TRPM5: variants seen among roughly 807,000 people sequenced by gnomAD.
The protein encoded by TRPM5 is MLSN1 and TRP-related.
In TRPM5, 121 loss-of-function variants were observed where a neutral mutation model predicts 124.9. The observed-to-expected ratio is 0.97, with a 90% confidence interval of 0.84 to 1.13. The LOEUF is 1.13. TRPM5 is among the 50% of genes most tolerant of loss of function. The probability of loss-of-function intolerance (pLI) is 0.00; values close to 1 mark genes in which losing one functional copy is unlikely to be tolerated. For missense variants in TRPM5, 1,643 were observed against 1,589.1 expected, an observed-to-expected ratio of 1.03 and a Z score of -0.58; for synonymous variants, 781 against 700.5, an observed-to-expected ratio of 1.11 and a Z score of -1.81.
chr11:2,436,072 C>T, the TRPM5 span, among the ~76,000 whole-genome samples: 1 of 152,260 alleles, frequency 6.6e-6, no homozygotes, highest in African/African-American at 2.4e-5. Flanking sequence ...CTCCCCTGAC[C>T]TCCCCCACAC....
At chr11:2,411,228 T>C in intron 18 of TRPM5, 124 bp downstream of exon 23, 1 of 1,205,820 alleles carries the variant, frequency 8.3e-7, no homozygotes, top group Non-Finnish European at 1.1e-6. Context: ...ACTTCTCCCA[T>C]CTCTGCTCCA....
rs761601197 is a variant in TRPM5, at chr11:2,404,918, A to G, written c.*19T>C. 7.5e-6 allele frequency: 12 copies of G among 1,605,164 alleles called. No homozygotes were observed. In the East Asian group the frequency reaches 2.0e-4, roughly 27 times the overall value. ...GCCAGCTGAGGAGAGGTGGCCCCAC[A>G]CGTGGCAGGCCAAGCAGCTCAGGTG... On this transcript the variant is annotated 3_prime_UTR_variant, in exon 24 of 24. Coordinates refer to ENST00000155858, the Ensembl canonical transcript of TRPM5.
intron 1 of TRPM5, 23 bp downstream of exon 6, chr11:2,422,897 T>C: frequency 1.2e-5 from 19 of 1,598,988 alleles, no homozygotes; most frequent in Non-Finnish European, 1.6e-5. Context: ...GGACATCACC[T>C]GAGGCCTGGG....
upstream of TRPM5, among the ~76,000 whole-genome samples, chr11:2,426,691 A>C (rs948503369): frequency 1.3e-5 from 2 of 152,072 alleles, no homozygotes. Flanking sequence ...GCTCATCCCC[A>C]CCAGGCTGTG....
chr11:2,418,758 A>G (rs554015626), intron 4 of TRPM5, among the ~76,000 whole-genome samples, 167 bp from the exon 10 acceptor site: 1 of 152,318 alleles, frequency 6.6e-6, no homozygotes, highest in East Asian at 1.9e-4. Flanking sequence ...AGCCCCTGCC[A>G]TATGAGGGCC....
chr11:2,410,079 C>T (rs752101463), intron 18 of TRPM5, among the ~76,000 whole-genome samples: 17 of 152,170 alleles, frequency 1.1e-4, no homozygotes, highest in African/African-American at 2.7e-4. Flanking sequence ...TGCTGGAGGC[C>T]GTATGGTGAG....
At chr11:2,434,057 C>T in the TRPM5 span, among the ~76,000 whole-genome samples, 11 of 141,230 alleles carry the variant, frequency 7.8e-5, no homozygotes, top group Non-Finnish European at 1.4e-4. Context: ...GCAGTGTGCG[C>T]GTGCATGTTT....
intron 4 of TRPM5, among the ~76,000 whole-genome samples, chr11:2,419,994 T>G (rs1335608608): frequency 1.3e-5 from 2 of 152,186 alleles, no homozygotes; most frequent in African/African-American, 2.4e-5. Context: ...TCAGAGCCAC[T>G]CTGTCCAGCT....
exon 9 of TRPM5, chr11:2,415,300 G>T: frequency 6.3e-7 from 1 of 1,580,024 alleles, no homozygotes; most frequent in Non-Finnish European, 8.5e-7. Flanking sequence ...TCCTGCTTCC[G>T]CTGCAGCAGG....
At chr11:2,412,952 G>C in exon 15 of TRPM5, 2 of 1,605,844 alleles carry the variant, frequency 1.2e-6, no homozygotes, top group Non-Finnish European at 8.5e-7. Flanking sequence ...GTGTGAGCAG[G>C]AAGACAGCAC....
At chr11:2,417,811 G>A in exon 7 of TRPM5, 1 of 1,581,664 alleles carries the variant, frequency 6.3e-7, no homozygotes, top group Non-Finnish European at 8.6e-7. Context: ...AGGTGCTGGT[G>A]TGAGGTGATG....
Position 2,414,731 on chromosome 11 carries a change from G to T in TRPM5, c.1728C>A (p.Tyr576Ter). The change falls in exon 11 of 24, where the codon TAC (tyrosine) becomes TAA (stop). Residue 576 changes from tyrosine (Y) to a stop codon, truncating the protein, a stop_gained. Coordinates refer to ENST00000155858, the Ensembl canonical transcript of TRPM5. LOFTEE classifies it high-confidence loss of function. ...GTCACTCACCAAGGGCCAGCCGCTC[G>T]TATTTCGCCTCGCGCGTGGCTCGGG... The T allele has an allele frequency of 6.5e-7, 1 of 1,542,112 alleles. No individual in the cohort carries two copies.
chr11:2,422,330 C>A lies in TRPM5; in HGVS notation c.118-9G>T. 6.2e-7 allele frequency: 1 copy of A among 1,604,038 alleles called. No homozygotes were observed. The highest frequency in any genetic ancestry group is 8.5e-7 in the Non-Finnish European group (1 of 1,175,466). On this transcript the variant is annotated splice_polypyrimidine_tract_variant and intron_variant, in intron 1 of 23. Coordinates refer to ENST00000155858, the Ensembl canonical transcript of TRPM5. The stretch of plus-strand genomic sequence containing the variant: ...CTCGGCACCCGTACAAACTGCAAGG[C>A]AGGTCTGCAGCTCAGGGCTTTCGGG...
intron 23 of TRPM5, 90 bp from the exon 29 acceptor site, chr11:2,405,133 G>A: frequency 9.1e-7 from 1 of 1,098,626 alleles, no homozygotes; most frequent in Non-Finnish European, 1.3e-6. Context: ...GCAAGGGCCA[G>A]GACGCCGTGG....
At chr11:2,421,003 G>T (rs1210043127) in intron 3 of TRPM5, 29 bp downstream of exon 8, 2 of 1,517,134 alleles carry the variant, frequency 1.3e-6, no homozygotes, top group Non-Finnish European at 1.8e-6. Flanking sequence ...GGCCCCCAGC[G>T]GTCGTGGTGC....
the TRPM5 span, among the ~76,000 whole-genome samples, chr11:2,437,295 G>T: frequency 1.3e-5 from 2 of 152,204 alleles, no homozygotes; most frequent in Non-Finnish European, 2.9e-5. The surrounding 1 kb of genome is among the most constrained non-coding windows in gnomAD (Gnocchi z 5.6). Context: ...GCTGTGAATT[G>T]GGAGACAGGT....
In TRPM5 at chr11:2,419,221, G is replaced by A. The variant is rs954420633; in HGVS notation, c.650-630C>T. 9.2e-5 allele frequency among the ~76,000 whole-genome samples: 14 copies of A among 152,234 alleles called. No individual in the cohort carries two copies. In the East Asian group the frequency reaches 1.2e-3, roughly 13 times the overall value. On this transcript the variant is annotated intron_variant, in intron 4 of 23. Coordinates refer to ENST00000155858, the Ensembl canonical transcript of TRPM5. ...GAGGATAAATCAGGCCTGGCCAAAC[G>A]GTGCCCGGGCCAGCAGGGCTTCCGC... is the stretch of plus-strand genomic sequence containing the variant.
At chr11:2,404,724 C>T (rs750653817) in exon 24 of TRPM5, 73 of 556,144 alleles carry the variant, frequency 1.3e-4, no homozygotes, top group Non-Finnish European at 2.2e-4. Flanking sequence ...GGGGAGACAG[C>T]CCCATGACAC....
chr11:2,430,850 G>A, the TRPM5 span, among the ~76,000 whole-genome samples: 5 of 149,448 alleles, frequency 3.3e-5, no homozygotes, highest in Non-Finnish European at 5.9e-5. Flanking sequence ...TTTTGGTGGT[G>A]GTGATGGAGG....
Sources: allele counts gnomAD v4.1 joint callset (sites outside exome capture counted in the v4.1 genomes callset), GRCh38; gene constraint gnomAD v4.1.1; non-coding constraint Gnocchi (gnomAD v3.1); transcripts MANE v1.5; gene names NCBI Gene and HGNC (gene_info 2026-07-23, HGNC 2026-07-21).